TRHDE: variants seen among roughly 807,000 people sequenced by gnomAD.
TRHDE encodes thyrotropin releasing hormone degrading enzyme.
A neutral mutation model predicts 125.7 loss-of-function variants in TRHDE; 72 were observed. The ratio of observed to expected loss-of-function variants is 0.57; its 90% confidence interval spans 0.47 to 0.70. The LOEUF is 0.70. TRHDE is among the 30% of genes least tolerant of loss of function. The probability of loss-of-function intolerance (pLI) is 0.00; values close to 1 mark genes in which losing one functional copy is unlikely to be tolerated. For missense variants in TRHDE, 1,110 were observed against 1,327.1 expected (o/e 0.84, Z 2.54); for synonymous variants, 509 against 509.1 (o/e 1.00, Z 0.00).
At chr12:72,440,415 A>C (rs918883751) in intron 3 of TRHDE, among the ~76,000 whole-genome samples, 4 of 151,904 alleles carry the variant, frequency 2.6e-5, no homozygotes, top group African/African-American at 9.7e-5. Context: ...AATTTTATTA[A>C]ATTTTCACAT....
chr12:72,653,047 G>T lies in TRHDE; in HGVS notation c.2875G>T (p.Val959Leu), dbSNP rs1192613058. The T allele has an allele frequency of 6.2e-7, 1 of 1,607,190 alleles. No individual in the cohort carries two copies. The highest frequency in any genetic ancestry group is 1.7e-5 in the Admixed American group (1 of 59,350). The part of the protein sequence containing the change: ...LLNLSLNSEV[V>L]LDQDAIDVII... ...AAATCTGTCACTGAATTCTGAGGTG[G>T]TGCTGGATCAAGATGCAATTGATGT... The change falls in exon 17 of 19, where the codon GTG becomes TTG. Residue 959 changes from valine (V) to leucine (L), a missense_variant. Transcript: ENST00000261180.
intron 2 of TRHDE, among the ~76,000 whole-genome samples, chr12:72,355,274 T>C (rs1870762402): frequency 6.6e-6 from 1 of 151,464 alleles, no homozygotes; most frequent in South Asian, 2.1e-4. Context: ...AATTCAGAAG[T>C]GGTTGGGGTT....
intron 2 of TRHDE, among the ~76,000 whole-genome samples, chr12:72,139,786 C>A (rs191437062): frequency 6.6e-6 from 1 of 152,220 alleles, no homozygotes; most frequent in East Asian, 1.9e-4. Flanking sequence ...ACCGAATGGA[C>A]CCCTCTTCTC....
chr12:72,452,450 C>T (rs1224027906), intron 3 of TRHDE, among the ~76,000 whole-genome samples: 1 of 152,046 alleles, frequency 6.6e-6, no homozygotes, highest in African/African-American at 2.4e-5. Context: ...TGCCTAATTG[C>T]TCTAGCTAGG....
intron 2 of TRHDE, among the ~76,000 whole-genome samples, chr12:72,250,712 T>A (rs1041487860): frequency 2.0e-5 from 3 of 151,766 alleles, no homozygotes; most frequent in African/African-American, 7.3e-5. Flanking sequence ...TGAGGATTTC[T>A]TTCCCTTTGG....
intron 12 of TRHDE, among the ~76,000 whole-genome samples, chr12:72,597,754 T>TACACAC (rs1484531716): frequency 4.3e-4 from 4 of 9,284 alleles, no homozygotes; most frequent in Non-Finnish European, 1.0e-3. Flanking sequence ...TATATATATA[T>TACACAC]ATATGCATAC....
intron 6 of TRHDE, among the ~76,000 whole-genome samples, chr12:72,517,004 A>G (rs944195269): frequency 1.3e-5 from 2 of 152,198 alleles, no homozygotes; most frequent in Non-Finnish European, 2.9e-5. Context: ...CCACTTGATC[A>G]TGGTGGATAA....
At chr12:72,231,298 G>A (rs971847900) in intron 2 of TRHDE, among the ~76,000 whole-genome samples, 1 of 152,044 alleles carries the variant, frequency 6.6e-6, no homozygotes, top group Non-Finnish European at 1.5e-5. Flanking sequence ...CTAGTATTTA[G>A]TTACATTCCC....
intron 2 of TRHDE, among the ~76,000 whole-genome samples, chr12:72,143,185 G>A (rs1256014963): frequency 1.3e-5 from 2 of 152,164 alleles, no homozygotes; most frequent in African/African-American, 4.8e-5. Flanking sequence ...TGCACCTGCC[G>A]ACCTGCATGC....
chr12:72,386,655 G>A (rs937617194), intron 3 of TRHDE, among the ~76,000 whole-genome samples: 1 of 152,014 alleles, frequency 6.6e-6, no homozygotes, highest in Non-Finnish European at 1.5e-5. Flanking sequence ...TTGTCCATCT[G>A]CACTGACTTG....
chr12:72,451,299 G>T (rs1241732293), intron 3 of TRHDE, among the ~76,000 whole-genome samples: 1 of 152,086 alleles, frequency 6.6e-6, no homozygotes, highest in Non-Finnish European at 1.5e-5. Context: ...ATTGACTTGT[G>T]TATATGGTAT....
At chr12:72,253,822 C>T (rs1470099301) in intron 2 of TRHDE, 1 of 151,842 alleles carries the variant, frequency 6.6e-6, no homozygotes, top group Non-Finnish European at 1.5e-5. Context: ...GCCAATTCTT[C>T]CTCCTCATCC....
At chr12:72,088,867 T>C (rs1481176248) in intron 1 of TRHDE, among the ~76,000 whole-genome samples, 1 of 152,066 alleles carries the variant, frequency 6.6e-6, no homozygotes, top group Non-Finnish European at 1.5e-5. Flanking sequence ...AGCTTCTTGG[T>C]TTCAAATACT....
chr12:72,304,082 G>A (rs546906917), intron 2 of TRHDE, among the ~76,000 whole-genome samples: 81 of 151,982 alleles, frequency 5.3e-4, no homozygotes, highest in Non-Finnish European at 1.0e-3. Context: ...TGGATGTTAG[G>A]GCTAAAATGT....
At chr12:72,589,477 G>A (rs995175566) in intron 12 of TRHDE, among the ~76,000 whole-genome samples, 14 of 152,130 alleles carry the variant, frequency 9.2e-5, no homozygotes, top group African/African-American at 3.4e-4. Flanking sequence ...CATGCATTAG[G>A]GGTTTCTATT....
intron 12 of TRHDE, among the ~76,000 whole-genome samples, chr12:72,596,607 A>G (rs939308321): frequency 6.6e-6 from 1 of 152,204 alleles, no homozygotes; most frequent in Admixed American, 6.5e-5. Context: ...AGTTCTGGAT[A>G]GTATACTGAA....
intron 3 of TRHDE, among the ~76,000 whole-genome samples, chr12:72,397,039 T>TG (rs1872822168): frequency 6.6e-6 from 1 of 152,232 alleles, no homozygotes; most frequent in Non-Finnish European, 1.5e-5. Context: ...ATTTCTTATT[T>TG]GAAATTTCCA....
intron 2 of TRHDE, among the ~76,000 whole-genome samples, chr12:72,361,178 C>T (rs1056493250): frequency 6.6e-6 from 1 of 151,790 alleles, no homozygotes; most frequent in Non-Finnish European, 1.5e-5. Flanking sequence ...TGTGGAATTG[C>T]TCTTTAAAGC....
intron 3 of TRHDE, among the ~76,000 whole-genome samples, chr12:72,446,045 C>G (rs117508710): frequency 6.6e-6 from 1 of 151,698 alleles, no homozygotes; most frequent in Admixed American, 6.6e-5. Context: ...TTGGTCCGTG[C>G]GCTAGACCAG....
Sources: allele counts gnomAD v4.1 joint callset (sites outside exome capture counted in the v4.1 genomes callset), GRCh38; gene constraint gnomAD v4.1.1; transcripts MANE v1.5; gene names NCBI Gene and HGNC (gene_info 2026-07-23, HGNC 2026-07-21).